CEP83: variants seen among roughly 807,000 people sequenced by gnomAD.
The protein encoded by CEP83 is centrosomal protein 83.
Under a neutral mutation model 101.9 loss-of-function variants are expected in CEP83, and 70 were observed. The ratio of observed to expected loss-of-function variants is 0.69; its 90% CI spans 0.57 to 0.84. CEP83 has a LOEUF of 0.84. Among genes scored for constraint, CEP83 ranks in the 40% least tolerant of loss-of-function variants. The probability of loss-of-function intolerance (pLI) is 0.00; values close to 1 mark genes in which losing one functional copy is unlikely to be tolerated. For synonymous variants in CEP83, 264 were observed against 267.9 expected, an observed-to-expected ratio of 0.99 and a Z score of 0.14; for missense variants, 715 against 787.2, an observed-to-expected ratio of 0.91 and a Z score of 1.10.
intron 2 of CEP83, among the ~76,000 whole-genome samples, chr12:94,413,529 T>C (rs960530484): frequency 1.3e-5 from 2 of 152,194 alleles, no homozygotes; most frequent in African/African-American, 4.8e-5. Flanking sequence ...ACTATGCCTA[T>C]GATTAATGCT....
downstream of CEP83, chr12:94,304,244 T>C: frequency 4.1e-6 from 2 of 483,298 alleles, no homozygotes; most frequent in South Asian, 6.6e-5. Flanking sequence ...AGTTTTATCA[T>C]GCTGCCCACA....
intron 2 of CEP83, among the ~76,000 whole-genome samples, chr12:94,430,781 T>TA (rs757201280): frequency 1.2e-4 from 19 of 152,114 alleles, no homozygotes; most frequent in Non-Finnish European, 2.5e-4. Flanking sequence ...GATTCCCAAA[T>TA]ACAGTGCAGA....
intron 1 of CEP83, among the ~76,000 whole-genome samples, chr12:94,439,787 C>T (rs574344598): frequency 1.3e-5 from 2 of 152,002 alleles, no homozygotes; most frequent in African/African-American, 4.8e-5. Flanking sequence ...ATGCAAAAAT[C>T]CTCAACAAAA....
At chr12:94,287,709 G>A in the CEP83 span, among the ~76,000 whole-genome samples, 1 of 152,236 alleles carries the variant, frequency 6.6e-6, no homozygotes, top group East Asian at 1.9e-4. Context: ...CAAAGGGTCT[G>A]TTAAGTAAGG....
chr12:94,277,787 TC>T, the CEP83 span: 3 of 365,578 alleles, frequency 8.2e-6, no homozygotes, highest in South Asian at 6.1e-5. Context: ...GCCGATACTA[TC>T]ATCAAGCCTT....
At chr12:94,454,502 ACTCTGTAAAATGGACCAATCAGCT>A (rs1389190369) in intron 1 of CEP83, among the ~76,000 whole-genome samples, 19 of 152,284 alleles carry the variant, frequency 1.2e-4, no homozygotes, top group South Asian at 8.3e-4. Flanking sequence ...ACCAATCAGC[ACTCTGTAAAATGGACCAATCAGCT>A]CTCTGTAAAA....
In CEP83 at chr12:94,372,124, C is replaced by G. The variant is rs1180175523; in HGVS notation, c.934-2088G>C. 2.0e-5 allele frequency among the ~76,000 whole-genome samples: 3 copies of G among 152,118 alleles called. No homozygotes were observed. The East Asian group carries it at 5.8e-4, about 29-fold the overall frequency. ...GAGTAGCTAGGATTACAGGCATGCACCACCACACCTGGCTAAATTTTGTAT... is the reference window on the plus strand; with the variant it reads ...GAGTAGCTAGGATTACAGGCATGCAGCACCACACCTGGCTAAATTTTGTAT... On this transcript the variant is annotated intron_variant, in intron 8 of 16. Coordinates refer to ENST00000397809, the MANE Select transcript of CEP83 (RefSeq NM_016122.3).
At chr12:94,346,953 G>A (rs565453973) in intron 11 of CEP83, among the ~76,000 whole-genome samples, 63 of 151,820 alleles carry the variant, frequency 4.1e-4, no homozygotes, top group African/African-American at 1.4e-3. Flanking sequence ...TGGGAGGATC[G>A]CTTGAGCCCA....
At chr12:94,443,610 A>T (rs1228303989) in intron 1 of CEP83, among the ~76,000 whole-genome samples, 1 of 152,046 alleles carries the variant, frequency 6.6e-6, no homozygotes, top group Non-Finnish European at 1.5e-5. Flanking sequence ...CTCCTGCCTC[A>T]GCCTCCCGAG....
At chr12:94,441,017 C>T (rs541914796) in intron 1 of CEP83, among the ~76,000 whole-genome samples, 114 of 152,262 alleles carry the variant, frequency 7.5e-4, no homozygotes, top group African/African-American at 2.6e-3. Flanking sequence ...TCTCACCTTA[C>T]ACAAAAATCA....
intron 6 of CEP83, among the ~76,000 whole-genome samples, chr12:94,398,791 A>G (rs533247260): frequency 1.9e-3 from 291 of 152,272 alleles, no homozygotes; most frequent in Middle Eastern, 3.4e-3. Flanking sequence ...AGGAATATTA[A>G]TAATTAATAC....
the CEP83 span, among the ~76,000 whole-genome samples, chr12:94,269,301 A>G: frequency 6.6e-6 from 1 of 152,232 alleles, no homozygotes; most frequent in Non-Finnish European, 1.5e-5. Flanking sequence ...TTTCAAGATT[A>G]TTAGAAATTC....
intron 11 of CEP83, among the ~76,000 whole-genome samples, chr12:94,352,466 A>C (rs565682910): frequency 6.6e-6 from 1 of 151,786 alleles, no homozygotes; most frequent in East Asian, 1.9e-4. Context: ...TGACACCTCA[A>C]ATGGAACCCA....
chr12:94,400,400 G>A (rs2063181011), intron 6 of CEP83, among the ~76,000 whole-genome samples: 1 of 152,176 alleles, frequency 6.6e-6, no homozygotes, highest in South Asian at 2.1e-4. Flanking sequence ...TCTATTTCTT[G>A]AAGTTGATGG....
At chr12:94,352,215 T>G (rs533139253) in intron 11 of CEP83, among the ~76,000 whole-genome samples, 4 of 152,060 alleles carry the variant, frequency 2.6e-5, no homozygotes, top group African/African-American at 9.6e-5. Context: ...GGTCAGGAGT[T>G]TGAGAACAGC....
intron 14 of CEP83, 82 bp downstream of exon 14, chr12:94,331,618 T>C (rs1593200124): frequency 8.2e-7 from 1 of 1,216,600 alleles, no homozygotes; most frequent in Non-Finnish European, 1.2e-6. Context: ...GTGATCCACC[T>C]GCCTCCGCCT....
chr12:94,448,457 A>C (rs1412316394), intron 1 of CEP83, among the ~76,000 whole-genome samples: 1 of 152,150 alleles, frequency 6.6e-6, no homozygotes, highest in African/African-American at 2.4e-5. Context: ...GACAGAAAAT[A>C]CCACCCAATG....
At chr12:94,278,926 A>T in the CEP83 span, among the ~76,000 whole-genome samples, 5 of 152,106 alleles carry the variant, frequency 3.3e-5, no homozygotes, top group East Asian at 9.7e-4. Context: ...TGAACCCAGG[A>T]GGCGGAGGTT....
At chr12:94,331,018 C>T (rs955441925) in intron 14 of CEP83, among the ~76,000 whole-genome samples, 4 of 151,984 alleles carry the variant, frequency 2.6e-5, no homozygotes, top group Admixed American at 1.3e-4. Context: ...AGGATGGACG[C>T]GGTAGCTCAC....
Sources: gnomAD v4.1 joint callset for allele counts (sites outside exome capture counted in the v4.1 genomes callset) on GRCh38, gnomAD v4.1.1 for gene constraint, MANE v1.5 for transcripts, NCBI Gene and HGNC (gene_info 2026-07-23, HGNC 2026-07-21) for gene names.